Variants in PTPRN2 observed in about 807,000 individuals in gnomAD.
PTPRN2 encodes protein tyrosine phosphatase receptor type N2.
In PTPRN2, 74 loss-of-function variants were observed where a neutral mutation model predicts 118.8. That is an observed-to-expected ratio of 0.62 (90% CI 0.52 to 0.76). The LOEUF (loss-of-function observed/expected upper bound fraction) is 0.76, where lower values mean the gene tolerates loss of function less well. Among genes scored for constraint, PTPRN2 ranks in the 30% least tolerant of loss-of-function variants. The pLI, the probability that PTPRN2 is intolerant of heterozygous loss-of-function variation, is 0.00. For missense variants in PTPRN2, 1,481 were observed against 1,394.4 expected (o/e 1.06, Z -0.99); for synonymous variants, 641 against 608.0 (o/e 1.05, Z -0.80).
chr7:157,744,873 C>CT (rs902365732), intron 12 of PTPRN2, among the ~76,000 whole-genome samples: 33 of 152,332 alleles, frequency 2.2e-4, no homozygotes, highest in African/African-American at 7.9e-4. Flanking sequence ...CGGGGCTTCC[C>CT]TCAGCCCCTG....
rs60230831 is a variant in PTPRN2, at chr7:157,733,527, G to C, written c.1789-50590C>G. Reference sequence around the variant, plus strand: ...CATGCGCCCAGCACAGTTACTCTTTGCCGTCCCATGCGCCCAGCACAGTTA... The same window carrying C: ...CATGCGCCCAGCACAGTTACTCTTTCCCGTCCCATGCGCCCAGCACAGTTA... On this transcript the variant is annotated intron_variant, in intron 12 of 22. Transcript: ENST00000389418. Among the ~76,000 whole-genome samples, 18 of 10,726 alleles carry C rather than the reference G, an allele frequency of 1.7e-3. 1 individual carries two copies. The highest frequency in any genetic ancestry group is 6.8e-3 in the African/African-American group (10 of 1,466). 7.0% of individuals were successfully genotyped at this position (10,726 alleles called of 152,430 possible). A position where few individuals can be genotyped will look rare whatever the true frequency, so the allele number is the denominator to read the frequency against.
intron 12 of PTPRN2, among the ~76,000 whole-genome samples, chr7:157,688,170 T>G (rs1797286249): frequency 6.6e-6 from 1 of 152,222 alleles, no homozygotes; most frequent in African/African-American, 2.4e-5. Context: ...GAAAATAAGT[T>G]GGGATATACT....
intron 11 of PTPRN2, among the ~76,000 whole-genome samples, chr7:158,080,335 A>AC (rs1407236899): frequency 7.7e-6 from 1 of 130,010 alleles, no homozygotes; most frequent in Non-Finnish European, 1.7e-5. Context: ...AAAAAAAAAA[A>AC]AAAAAACAAG....
chr7:157,704,619 G>A (rs942569987), intron 12 of PTPRN2, among the ~76,000 whole-genome samples: 6 of 152,174 alleles, frequency 3.9e-5, no homozygotes, highest in South Asian at 2.1e-4. Flanking sequence ...CTGGGCACAC[G>A]TGGAGGGAGG....
intron 4 of PTPRN2, among the ~76,000 whole-genome samples, chr7:158,195,823 C>T (rs1826169975): frequency 6.6e-6 from 1 of 152,170 alleles, no homozygotes; most frequent in Non-Finnish European, 1.5e-5. Context: ...TGCTCCTTTT[C>T]ATGCCAGATA....
At chr7:158,420,968 G>A (rs567549491) in intron 2 of PTPRN2, among the ~76,000 whole-genome samples, 1 of 152,260 alleles carries the variant, frequency 6.6e-6, no homozygotes, top group South Asian at 2.1e-4. Context: ...CAATTCCAGG[G>A]ATCACCTTCC....
chr7:157,706,327 G>A (rs142851597), intron 12 of PTPRN2, among the ~76,000 whole-genome samples: 50 of 152,130 alleles, frequency 3.3e-4, no homozygotes, highest in Middle Eastern at 3.4e-3. Context: ...TCCAGATGGC[G>A]GGAACTGAGT....
intron 3 of PTPRN2, among the ~76,000 whole-genome samples, chr7:158,266,685 A>G (rs1797908307): frequency 6.6e-6 from 1 of 152,174 alleles, no homozygotes; most frequent in Admixed American, 6.5e-5. Context: ...ACCTGGGCAG[A>G]GAGACGAGAG....
chr7:158,031,894 C>T (rs76845054), intron 11 of PTPRN2, among the ~76,000 whole-genome samples: 5 of 152,356 alleles, frequency 3.3e-5, no homozygotes, highest in South Asian at 2.1e-4. Context: ...ACTACAAAGA[C>T]GGTGCTGCTC....
intron 3 of PTPRN2, among the ~76,000 whole-genome samples, chr7:158,222,793 T>A (rs765131987): frequency 5.3e-5 from 8 of 151,240 alleles, no homozygotes; most frequent in Non-Finnish European, 1.2e-4. Flanking sequence ...GAGAACACAA[T>A]AAACCCAAAT....
At chr7:157,673,003 C>A (rs1489882549) in intron 13 of PTPRN2, among the ~76,000 whole-genome samples, 1 of 152,206 alleles carries the variant, frequency 6.6e-6, no homozygotes, top group East Asian at 1.9e-4. Flanking sequence ...TTCACACCTG[C>A]CACCTTTCTA....
rs113654731 is a variant in PTPRN2, at chr7:157,805,041, A to T, written c.1788+93632T>A. Among the ~76,000 whole-genome samples the T allele has an allele frequency of 6.9e-3, 1,052 of 152,170 alleles. 19 individuals are homozygous for T. The highest frequency in any genetic ancestry group is 0.024 in the African/African-American group (1,004 of 41,506). On this transcript the variant is annotated intron_variant, in intron 12 of 22. Transcript: ENST00000389418. ...GTGGGAGTGCCGCTCTGCACACTAG[A>T]CTCAGTCCTCTCTCTGCCTGGAAAT...
At chr7:157,842,388 C>T (rs987250082) in intron 12 of PTPRN2, among the ~76,000 whole-genome samples, 24 of 147,126 alleles carry the variant, frequency 1.6e-4, no homozygotes, top group African/African-American at 6.0e-4. Context: ...TCAAATGCCG[C>T]TTTGTGTGCA....
At chr7:157,692,558 C>T (rs775115399) in intron 12 of PTPRN2, among the ~76,000 whole-genome samples, 14 of 152,224 alleles carry the variant, frequency 9.2e-5, no homozygotes, top group Non-Finnish European at 1.8e-4. Flanking sequence ...GACTGCAGGC[C>T]CAGGCTGAGT....
At chr7:158,247,674 T>C (rs888042302) in intron 3 of PTPRN2, among the ~76,000 whole-genome samples, 1 of 152,156 alleles carries the variant, frequency 6.6e-6, no homozygotes, top group African/African-American at 2.4e-5. Flanking sequence ...TGGAGTGCTA[T>C]GGTGCGATCT....
In PTPRN2 at chr7:158,506,189, G is replaced by A. The variant is rs570222904; in HGVS notation, c.113-16404C>T. Among the ~76,000 whole-genome samples, 21 of 152,290 alleles carry A rather than the reference G, an allele frequency of 1.4e-4. No homozygotes were observed. In the South Asian group the frequency reaches 1.9e-3, roughly 14 times the overall value. On this transcript the variant is annotated intron_variant, in intron 1 of 22. Coordinates refer to ENST00000389418, the MANE Select transcript of PTPRN2 (RefSeq NM_002847.5). ...AGGCTCCATGGGAGGCTTCGGCGTCGGACAACCCCAGTGGAACAGGCGGGC... is the reference window on the plus strand; with the variant it reads ...AGGCTCCATGGGAGGCTTCGGCGTCAGACAACCCCAGTGGAACAGGCGGGC...
At chr7:158,108,583 G>T (rs1815890826) in intron 10 of PTPRN2, among the ~76,000 whole-genome samples, 1 of 152,176 alleles carries the variant, frequency 6.6e-6, no homozygotes, top group East Asian at 1.9e-4. Context: ...CATTGCATAT[G>T]TCTGTACCCT....
chr7:158,508,399 G>A (rs748507131), intron 1 of PTPRN2, among the ~76,000 whole-genome samples: 26 of 152,320 alleles, frequency 1.7e-4, no homozygotes, highest in Non-Finnish European at 2.9e-4. Context: ...AACAAGGAGA[G>A]TCAGGAGTGA....
intron 12 of PTPRN2, among the ~76,000 whole-genome samples, chr7:157,872,671 G>A (rs1350906501): frequency 1.3e-5 from 2 of 152,248 alleles, no homozygotes; most frequent in African/African-American, 4.8e-5. Flanking sequence ...TTGCGCCCAG[G>A]CCGCCTGTCC....
Sources: allele counts gnomAD v4.1 joint callset (sites outside exome capture counted in the v4.1 genomes callset), GRCh38; gene constraint gnomAD v4.1.1; transcripts MANE v1.5; gene names NCBI Gene and HGNC (gene_info 2026-07-23, HGNC 2026-07-21).